HEATR5B: variants seen among roughly 807,000 people sequenced by gnomAD.
HEATR5B encodes the protein HEAT repeat containing 5B.
Under a neutral mutation model 224.1 loss-of-function variants are expected in HEATR5B, and 156 were observed. The ratio of observed to expected loss-of-function variants is 0.70; its 90% CI spans 0.61 to 0.80. The LOEUF is 0.80. Ranked by LOEUF, HEATR5B falls within the 30% of genes least tolerant of loss-of-function variation. The probability of loss-of-function intolerance (pLI) is 0.00; values close to 1 mark genes in which losing one functional copy is unlikely to be tolerated. For missense variants in HEATR5B, 2,323 were observed against 2,535.5 expected (o/e 0.92, Z 1.80); for synonymous variants, 1,027 against 893.0 (o/e 1.15, Z -2.68).
chr2:37,013,748 A>G (rs1667939094), intron 27 of HEATR5B, 93 bp downstream of exon 27: 8 of 1,206,088 alleles, frequency 6.6e-6, no homozygotes, highest in Non-Finnish European at 9.1e-6. Context: ...AGTTTTTAAA[A>G]AACAAAAATT....
intron 24 of HEATR5B, 62 bp downstream of exon 24, chr2:37,027,861 A>C (rs1053308540): frequency 1.2e-4 from 185 of 1,535,410 alleles, no homozygotes; most frequent in Admixed American, 1.6e-4. Flanking sequence ...AATATCTCAT[A>C]GCAGCAAAAT....
At chr2:37,025,328 G>A (rs1055296282) in intron 24 of HEATR5B, among the ~76,000 whole-genome samples, 2 of 151,738 alleles carry the variant, frequency 1.3e-5, no homozygotes, top group Non-Finnish European at 2.9e-5. Context: ...TTCCAAATAC[G>A]GAGAGTACTC....
At chr2:37,057,255 A>ATTG in intron 15 of HEATR5B, 62 bp downstream of exon 15, 1 of 1,261,048 alleles carries the variant, frequency 7.9e-7, no homozygotes, top group Admixed American at 2.6e-5. Flanking sequence ...TTAAGTGACA[A>ATTG]TGTGTAATAG....
chr2:37,064,764 C>A lies in HEATR5B; in HGVS notation c.1560G>T (p.Leu520Phe). The A allele has an allele frequency of 6.2e-7, 1 of 1,613,978 alleles. No homozygotes were observed. Among genetic ancestry groups the A allele is most frequent in the Non-Finnish European group, 8.5e-7 (1 of 1,179,970 alleles). The change falls in exon 10 of 36, where the codon TTG becomes TTT. Residue 520 changes from leucine to phenylalanine, a missense_variant. Leu to Phe is a conservative substitution (Grantham distance 22). This residue lies in a region of HEATR5B where 502 missense variants were observed against 517.8 expected (regional missense o/e 0.97). Transcript: ENST00000233099. ...ALLGGVHQCP[L>F]GIPHAKGKMV... ...CCTTTCCTTTGGCATGAGGAATGCC[C>A]AAAGGACACTGATGTACTCCACCTA...
intron 18 of HEATR5B, among the ~76,000 whole-genome samples, chr2:37,043,676 G>C (rs541661220): frequency 1.3e-5 from 2 of 152,250 alleles, no homozygotes; most frequent in South Asian, 4.1e-4. Flanking sequence ...AGACTTCATT[G>C]ACATGGTTAA....
chr2:37,030,439 G>T (rs1458624815), intron 22 of HEATR5B, among the ~76,000 whole-genome samples: 2 of 152,000 alleles, frequency 1.3e-5, no homozygotes, highest in Admixed American at 1.3e-4. Context: ...ATAAATTAAG[G>T]GAAAATTAAT....
At chr2:37,010,963 A>G (rs1370897415) in intron 27 of HEATR5B, among the ~76,000 whole-genome samples, 2 of 152,080 alleles carry the variant, frequency 1.3e-5, no homozygotes, top group East Asian at 1.9e-4. Flanking sequence ...TTCACAGGCT[A>G]ATATTACAAT....
intron 29 of HEATR5B, among the ~76,000 whole-genome samples, chr2:37,006,155 G>A (rs369344653): frequency 1.3e-5 from 2 of 152,236 alleles, no homozygotes; most frequent in African/African-American, 4.8e-5. Context: ...AAGTTATAGA[G>A]GCACAATGGG....
chr2:36,998,368 CA>C (rs1320112042), intron 33 of HEATR5B, among the ~76,000 whole-genome samples: 21 of 152,112 alleles, frequency 1.4e-4, no homozygotes, highest in African/African-American at 4.8e-4. Flanking sequence ...TTTTACCAAA[CA>C]CAGCAAAATT....
chr2:37,068,771 C>T lies in HEATR5B; in HGVS notation c.1087G>A (p.Ala363Thr), dbSNP rs1156970641. Residue 363 changes from alanine to threonine, a missense_variant, in exon 8 of 36, where the codon GCT (alanine) becomes ACT (threonine). Ala to Thr is a moderately conservative substitution (Grantham distance 58). Coordinates refer to ENST00000233099, the MANE Select transcript of HEATR5B (RefSeq NM_019024.3). ...SRRCVSFILRATVGSLLGEKA... is the reference protein window; with the variant it reads ...SRRCVSFILRTTVGSLLGEKA... ...TCACCTAGCAAACTGCCCACAGTAG[C>T]TCTTAGGATAAAGGAAACACATCGT... is the stretch of plus-strand genomic sequence containing the variant. 6.2e-7 allele frequency: 1 copy of T among 1,614,152 alleles called. No homozygotes were observed. Among genetic ancestry groups the T allele is most frequent in the South Asian group, 1.1e-5 (1 of 91,086 alleles).
At chr2:37,035,902 C>T (rs1375268874) in intron 21 of HEATR5B, among the ~76,000 whole-genome samples, 1 of 152,192 alleles carries the variant, frequency 6.6e-6, no homozygotes, top group African/African-American at 2.4e-5. Context: ...AACCCTCCTC[C>T]TCCGATGTTG....
chr2:37,006,275 T>C (rs562660476), intron 29 of HEATR5B, among the ~76,000 whole-genome samples: 1 of 152,300 alleles, frequency 6.6e-6, no homozygotes, highest in Admixed American at 6.5e-5. Flanking sequence ...AATTACACCT[T>C]ATTGTGTTCC....
chr2:37,005,933 G>A (rs1240332098), intron 29 of HEATR5B, among the ~76,000 whole-genome samples, 174 bp from the exon 30 acceptor site: 4 of 152,150 alleles, frequency 2.6e-5, no homozygotes, highest in African/African-American at 4.8e-5. Context: ...TCAACATAAG[G>A]TTGTAGTTTT....
In HEATR5B at chr2:37,025,144, C is replaced by G. The variant is rs764119699; in HGVS notation, c.3853+2779G>C. The stretch of plus-strand genomic sequence containing the variant: ...ATACTCTGCCATGACTGTTCAGAAT[C>G]AGAATGGCAGGCGGTGATGTTAGAA... On this transcript the variant is annotated intron_variant, in intron 24 of 35. Coordinates refer to ENST00000233099, the MANE Select transcript of HEATR5B (RefSeq NM_019024.3). Among the ~76,000 whole-genome samples the G allele has an allele frequency of 5.3e-5, 8 of 152,016 alleles. 1 individual carries two copies. The highest frequency in any genetic ancestry group is 1.2e-4 in the Non-Finnish European group (8 of 68,006).
chr2:36,991,911 T>C (rs1666356787), intron 33 of HEATR5B, among the ~76,000 whole-genome samples: 1 of 152,154 alleles, frequency 6.6e-6, no homozygotes, highest in African/African-American at 2.4e-5. Flanking sequence ...GTCCATTAAC[T>C]TAATGTAAAG....
chr2:37,050,036 G>A (rs1056703541), intron 17 of HEATR5B, among the ~76,000 whole-genome samples, 193 bp from the exon 18 acceptor site: 3 of 151,750 alleles, frequency 2.0e-5, no homozygotes, highest in Non-Finnish European at 4.4e-5. Context: ...GACTATAGGC[G>A]CATGCCACCC....
intron 33 of HEATR5B, among the ~76,000 whole-genome samples, chr2:36,995,225 G>T (rs1343796160): frequency 6.6e-6 from 1 of 151,346 alleles, no homozygotes; most frequent in Non-Finnish European, 1.5e-5. Context: ...GAGTAGCTGG[G>T]ATTACAGGCA....
At position 37,005,544 on chromosome 2, in the gene HEATR5B, T is replaced by C. The variant is rs189639236; in HGVS notation, c.4905+88A>G. The C allele has an allele frequency of 4.1e-4, 505 of 1,228,278 alleles. 3 individuals carry two copies. The African/African-American group carries it at 7.0e-3, about 17-fold the overall frequency. The allele number at this position is 1,228,278 out of a possible 1,614,324, so 76.1% of individuals were successfully genotyped here. On this transcript the variant is annotated intron_variant, in intron 30 of 35. Transcript: ENST00000233099. ...CATATCATGTTAAAATAGGATCCAA[T>C]ACAGAAAAAAAATCCATCCTTTTTT... is the stretch of plus-strand genomic sequence containing the variant.
intron 32 of HEATR5B, among the ~76,000 whole-genome samples, chr2:37,001,903 G>C (rs1667114103): frequency 6.6e-6 from 1 of 152,170 alleles, no homozygotes; most frequent in Admixed American, 6.5e-5. Flanking sequence ...CTGAGCTCAG[G>C]TGATCCACCT....
Sources: gnomAD v4.1 joint callset for allele counts (sites outside exome capture counted in the v4.1 genomes callset) on GRCh38, gnomAD v4.1.1 for gene constraint, gnomAD v4.1.1 regional missense constraint, MANE v1.5 for transcripts, NCBI Gene and HGNC (gene_info 2026-07-23, HGNC 2026-07-21) for gene names.